The following C5orf63 variants were observed in gnomAD, a reference collection of about 807,000 sequenced individuals.
The protein encoded by C5orf63 is chromosome 5 open reading frame 63.
A neutral mutation model predicts 13.3 loss-of-function variants in C5orf63; 18 were observed. The observed-to-expected ratio is 1.36, with a 90% CI of 0.94 to 2.01. The LOEUF (loss-of-function observed/expected upper bound fraction) is 2.01, where lower values mean the gene tolerates loss of function less well. Ranked by LOEUF, C5orf63 falls within the 30% of genes most tolerant of loss-of-function variation. The pLI, the probability that C5orf63 is intolerant of heterozygous loss-of-function variation, is 0.00. For missense variants in C5orf63, 118 were observed against 127.7 expected (o/e 0.92, Z 0.36); for synonymous variants, 38 against 44.7 (o/e 0.85, Z 0.60).
chr5:127,055,680 A>G (rs1753856654), intron 3 of C5orf63, among the ~76,000 whole-genome samples: 1 of 152,202 alleles, frequency 6.6e-6, no homozygotes, highest in African/African-American at 2.4e-5. Flanking sequence ...TAAGATAAAC[A>G]TCCTAAAATT....
chr5:127,058,645 C>T (rs1199324712), intron 3 of C5orf63: 4 of 442,920 alleles, frequency 9.0e-6, no homozygotes, highest in Non-Finnish European at 1.2e-5. Context: ...ATAACCTATA[C>T]TTCATTTTTT....
At chr5:127,046,409 T>C (rs1170140547), downstream of C5orf63, 1 of 152,302 alleles carries the variant, frequency 6.6e-6, no homozygotes, top group Non-Finnish European at 1.5e-5. Context: ...TCTCCTGATA[T>C]CTCTTTCTGT....
chr5:127,053,453 CT>C (rs1173163366), intron 3 of C5orf63, among the ~76,000 whole-genome samples: 2 of 151,610 alleles, frequency 1.3e-5, no homozygotes, highest in Non-Finnish European at 2.9e-5. Flanking sequence ...TTTTATTATA[CT>C]TTAAGTTCTA....
intron 1 of C5orf63, 65 bp downstream of exon 1, chr5:127,073,386 G>T (rs1241740762): frequency 6.6e-6 from 1 of 152,330 alleles, no homozygotes; most frequent in African/African-American, 2.4e-5. Flanking sequence ...CCGCCAGCCT[G>T]CGCGTCAGCT....
At chr5:127,067,426 A>C (rs1349651190) in intron 2 of C5orf63, among the ~76,000 whole-genome samples, 5 of 152,318 alleles carry the variant, frequency 3.3e-5, no homozygotes, top group African/African-American at 1.2e-4. Flanking sequence ...TTTCAAATAG[A>C]AATAACTGAA....
chr5:127,047,622 G>A, downstream of C5orf63: 1 of 672,462 alleles, frequency 1.5e-6, no homozygotes. Flanking sequence ...CCTTCAGAAA[G>A]CATCTTTCTG....
intron 2 of C5orf63, among the ~76,000 whole-genome samples, chr5:127,071,037 A>G (rs186991252): frequency 1.3e-5 from 2 of 152,156 alleles, no homozygotes; most frequent in Non-Finnish European, 1.5e-5. Context: ...CTTTTTATAG[A>G]TCCAACCTCC....
chr5:127,072,987 C>A (rs1754611720), intron 1 of C5orf63: 2 of 152,194 alleles, frequency 1.3e-5, no homozygotes, highest in Non-Finnish European at 2.9e-5. Flanking sequence ...CCCTGCTGCA[C>A]CTTTCAACCT....
At chr5:127,060,892 T>C (rs1754078260) in intron 2 of C5orf63, among the ~76,000 whole-genome samples, 1 of 152,232 alleles carries the variant, frequency 6.6e-6, no homozygotes, top group Non-Finnish European at 1.5e-5. Context: ...AAATTATTTA[T>C]GTCCCCTCCA....
downstream of C5orf63, chr5:127,051,171 T>C: frequency 4.4e-6 from 2 of 454,414 alleles, no homozygotes; most frequent in Non-Finnish European, 6.9e-6. Context: ...ATTTAAGGAG[T>C]TTAAGTTTTT....
rs1174370169 is a variant in C5orf63, at chr5:127,060,518, CAT to C, written c.-7-1518_-7-1517del. Among the ~76,000 whole-genome samples, 7 of 152,218 alleles carry C rather than the reference CAT, an allele frequency of 4.6e-5. 1 individual carries two copies. Among genetic ancestry groups the C allele is most frequent in the Admixed American group, 3.9e-4 (6 of 15,282 alleles). ...ATATTATAATTTCACTTTAAAAACACATGTGCACTATTGGCTTCATCATTTAT... is the reference window on the plus strand; with the variant it reads ...ATATTATAATTTCACTTTAAAAACACGTGCACTATTGGCTTCATCATTTAT... On this transcript the variant is annotated intron_variant, in intron 2 of 4. Coordinates refer to ENST00000296662, the MANE Select transcript of C5orf63 (RefSeq NM_001164478.2).
At chr5:127,063,097 C>T (rs922060408) in intron 2 of C5orf63, among the ~76,000 whole-genome samples, 5 of 151,992 alleles carry the variant, frequency 3.3e-5, no homozygotes, top group Admixed American at 2.0e-4. Flanking sequence ...TGACTCCTGC[C>T]GTTTCAAGTC....
At chr5:127,043,283 A>G (rs1753445159), downstream of C5orf63, 1 of 152,216 alleles carries the variant, frequency 6.6e-6, no homozygotes, top group African/African-American at 2.4e-5. Flanking sequence ...AAAGGCTGTG[A>G]CCACCCTGAA....
In C5orf63 at chr5:127,055,005, A is replaced by G. The variant is rs566757015; in HGVS notation, c.115-2336T>C. Among the ~76,000 whole-genome samples, 544 of 152,234 alleles carry G rather than the reference A, an allele frequency of 3.6e-3. 3 individuals are homozygous for G. Among genetic ancestry groups the G allele is most frequent in the African/African-American group, 0.012 (518 of 41,546 alleles). ...TTATTAAATAGGAAATCCTTTCCCCATTGCTTGTTTTTGTCAGGTTTGTCA... is the reference window on the plus strand; with the variant it reads ...TTATTAAATAGGAAATCCTTTCCCCGTTGCTTGTTTTTGTCAGGTTTGTCA... On this transcript the variant is annotated intron_variant, in intron 3 of 4. Coordinates refer to ENST00000296662, the MANE Select transcript of C5orf63 (RefSeq NM_001164478.2).
downstream of C5orf63, among the ~76,000 whole-genome samples, chr5:127,049,697 A>C (rs948394570): frequency 1.3e-5 from 2 of 152,230 alleles, no homozygotes; most frequent in Non-Finnish European, 2.9e-5. Flanking sequence ...TATGTAACAA[A>C]TTATCATACA....
downstream of C5orf63, chr5:127,043,378 C>G (rs767865802): frequency 1.3e-5 from 2 of 152,188 alleles, no homozygotes; most frequent in Non-Finnish European, 1.5e-5. Context: ...CTCAACCTTT[C>G]CTTTATTACT....
At chr5:127,062,065 G>C (rs1301258043) in intron 2 of C5orf63, among the ~76,000 whole-genome samples, 4 of 152,136 alleles carry the variant, frequency 2.6e-5, no homozygotes, top group Non-Finnish European at 5.9e-5. Context: ...AAGTATTAAG[G>C]CTTTTTTAAA....
chr5:127,059,728 CAA>C (rs58498141), intron 2 of C5orf63, among the ~76,000 whole-genome samples: 22 of 99,138 alleles, frequency 2.2e-4, no homozygotes, highest in Non-Finnish European at 1.9e-4. Context: ...GATCTTATCT[CAA>C]AAAAAAAAAA....
intron 2 of C5orf63, among the ~76,000 whole-genome samples, chr5:127,069,761 T>C (rs367619098): frequency 6.6e-6 from 1 of 152,340 alleles, no homozygotes; most frequent in East Asian, 1.9e-4. Context: ...CTACAATCTT[T>C]TGAGTCCTAT....
Sources: gnomAD v4.1 joint callset for allele counts (sites outside exome capture counted in the v4.1 genomes callset) on GRCh38, gnomAD v4.1.1 for gene constraint, MANE v1.5 for transcripts, NCBI Gene and HGNC (gene_info 2026-07-23, HGNC 2026-07-21) for gene names.